MBD5: variants seen among roughly 807,000 people sequenced by gnomAD.
MBD5 encodes the protein methyl-CpG-binding domain protein 5.
MBD5 carries 13 observed loss-of-function variants against 117.3 expected under a neutral mutation model. The observed-to-expected ratio is 0.11, with a 90% CI of 0.07 to 0.18. MBD5 has a LOEUF of 0.18. MBD5 is among the 10% of genes least tolerant of loss of function. The pLI is 1.00. For missense variants in MBD5, 1,879 were observed against 2,093.8 expected (o/e 0.90, Z 2.00); for synonymous variants, 727 against 766.4 (o/e 0.95, Z 0.85).
rs762190865 is a variant in MBD5 at position 148,463,873 on chromosome 2, A to G, written c.351A>G (p.Glu117=). The part of the protein sequence containing the change: ...IAVATLHKSM[E]APHPSLVLTS... ...TGGCCACACTTCATAAAAGCATGGA[A>G]GCCCCACATCCTTCTCTGGTGCTCA... is the stretch of plus-strand genomic sequence containing the variant. The change falls in exon 7 of 14, where the codon GAA becomes GAG. Residue 117 remains glutamate (E), a synonymous_variant. Coordinates refer to ENST00000642680, the MANE Select transcript of MBD5 (RefSeq NM_001378120.1). The G allele has an allele frequency of 1.2e-6, 2 of 1,613,722 alleles. No individual in the cohort carries two copies. Among genetic ancestry groups the G allele is most frequent in the Non-Finnish European group, 8.5e-7 (1 of 1,179,742 alleles).
rs1216163190 is a variant in MBD5 at position 148,470,457 on chromosome 2, A to C, written c.2514A>C (p.Glu838Asp). The change falls in exon 8 of 14, where the codon GAA becomes GAC. Residue 838 changes from glutamate to aspartate, a missense_variant. Around this residue, in one of 4 missense-constraint regions of MBD5, gnomAD observed 1,666 missense variants for 1,792.2 expected, o/e 0.93. Coordinates refer to ENST00000642680, the MANE Select transcript of MBD5 (RefSeq NM_001378120.1). ...IVSSYNQTSSEAGGSGPSSSI... is the reference protein window; with the variant it reads ...IVSSYNQTSSDAGGSGPSSSI... ...GCAGCTATAATCAAACAAGTTCTGA[A>C]GCAGGTATGGTTTTATTAGAAAAAA... 13 of 1,597,638 alleles carry C rather than the reference A, an allele frequency of 8.1e-6. No homozygotes were observed. Among genetic ancestry groups the C allele is most frequent in the Non-Finnish European group, 1.1e-5 (13 of 1,171,862 alleles).
At chr2:148,257,727 A>G (rs565925531) in intron 3 of MBD5, among the ~76,000 whole-genome samples, 2 of 152,328 alleles carry the variant, frequency 1.3e-5, no homozygotes. Flanking sequence ...ATATGGTGGG[A>G]CTATGCATAT....
chr2:148,197,455 T>C (rs1699018050), intron 2 of MBD5, among the ~76,000 whole-genome samples: 1 of 152,194 alleles, frequency 6.6e-6, no homozygotes, highest in Admixed American at 6.5e-5. Flanking sequence ...GTTTGGAAAG[T>C]ACCACATTAA....
chr2:148,152,449 T>C (rs902133675), intron 1 of MBD5, among the ~76,000 whole-genome samples: 1 of 152,114 alleles, frequency 6.6e-6, no homozygotes, highest in African/African-American at 2.4e-5. Context: ...TAGATGTCTA[T>C]TAGGTCCGCT....
chr2:148,315,262 C>T (rs1187775666), intron 3 of MBD5, among the ~76,000 whole-genome samples: 1 of 152,118 alleles, frequency 6.6e-6, no homozygotes, highest in Non-Finnish European at 1.5e-5. Context: ...CTTACGGTCC[C>T]ACATATCCAC....
chr2:148,179,083 G>A (rs536373851), intron 2 of MBD5, among the ~76,000 whole-genome samples: 2 of 152,234 alleles, frequency 1.3e-5, no homozygotes, highest in Admixed American at 6.5e-5. Flanking sequence ...GGCCGGGCGC[G>A]GTGGCTCACG....
intron 4 of MBD5, among the ~76,000 whole-genome samples, chr2:148,450,549 G>A (rs986614574): frequency 3.3e-5 from 5 of 152,162 alleles, no homozygotes; most frequent in Non-Finnish European, 5.9e-5. Context: ...GCTGGACAGC[G>A]AGACTTCTCT....
In MBD5 at chr2:148,489,999, A is replaced by G. The variant is rs1373313056; in HGVS notation, c.4367A>G (p.His1456Arg). ...EEFLDHPGHI[H>R]SSPCHERPNN... ...TTTTTAGATCATCCAGGCCATATCC[A>G]CAGTAGTCCTTGTCATGAAAGGCCC... Residue 1456 changes from histidine to arginine, a missense_variant, in exon 11 of 14, where the codon CAC becomes CGC. Physicochemically the swap from His to Arg is conservative, Grantham distance 29. Around this residue, in one of 4 missense-constraint regions of MBD5, gnomAD observed 1,666 missense variants for 1,792.2 expected, o/e 0.93. Transcript: ENST00000642680. The G allele has an allele frequency of 1.9e-6, 3 of 1,613,958 alleles. No individual in the cohort carries two copies. In the East Asian group the frequency reaches 6.7e-5, roughly 36 times the overall value.
intron 1 of MBD5, among the ~76,000 whole-genome samples, chr2:148,082,199 T>C (rs1305230815): frequency 6.6e-6 from 1 of 152,224 alleles, no homozygotes; most frequent in East Asian, 1.9e-4. Flanking sequence ...AATTTTAGGC[T>C]GAAACTGCTC....
chr2:148,157,500 AG>A (rs950251740), intron 1 of MBD5, among the ~76,000 whole-genome samples: 6 of 152,190 alleles, frequency 3.9e-5, no homozygotes, highest in African/African-American at 1.2e-4. Context: ...GACCTTGAGC[AG>A]TGTCTCTCAT....
At chr2:148,308,491 CTTTTTTTTTT>C (rs60650324) in intron 3 of MBD5, among the ~76,000 whole-genome samples, 6 of 66,804 alleles carry the variant, frequency 9.0e-5, no homozygotes, top group African/African-American at 3.0e-4. Context: ...GGGGTTCTTT[CTTTTTTTTTT>C]TTTTTTTTTT....
intron 1 of MBD5, among the ~76,000 whole-genome samples, chr2:148,050,313 G>T (rs886669890): frequency 2.6e-5 from 4 of 151,968 alleles, no homozygotes; most frequent in Non-Finnish European, 5.9e-5. Flanking sequence ...GTGCTTATTA[G>T]CCATTTGCAT....
chr2:148,251,537 C>T (rs2080655936), intron 3 of MBD5, among the ~76,000 whole-genome samples: 2 of 152,254 alleles, frequency 1.3e-5, no homozygotes, highest in South Asian at 4.1e-4. Flanking sequence ...TAACTTGTAC[C>T]TCATAAGCCA....
In MBD5 at chr2:148,470,038, A is replaced by G; in HGVS notation, c.2095A>G (p.Ser699Gly). The G allele has an allele frequency of 2.5e-6, 4 of 1,613,862 alleles. No individual in the cohort carries two copies. In the East Asian group the frequency reaches 8.9e-5, roughly 36 times the overall value. ...GCAGGGTCAGGGTTCATTTCCCATCAGTTCAATGTCTCAGTTACTACAGTC... is the reference window on the plus strand; with the variant it reads ...GCAGGGTCAGGGTTCATTTCCCATCGGTTCAATGTCTCAGTTACTACAGTC... ...RKQGQGSFPISSMSQLLQSMS... is the reference protein window; with the variant it reads ...RKQGQGSFPIGSMSQLLQSMS... Residue 699 changes from serine (S) to glycine (G), a missense_variant, in exon 8 of 14, where the codon AGT (serine) becomes GGT (glycine). Coordinates refer to ENST00000642680, the MANE Select transcript of MBD5 (RefSeq NM_001378120.1).
intron 1 of MBD5, among the ~76,000 whole-genome samples, chr2:148,049,282 T>A (rs1694627030): frequency 6.6e-6 from 1 of 152,178 alleles, no homozygotes; most frequent in Non-Finnish European, 1.5e-5. Context: ...GCACCATCCA[T>A]TCTTCACTTT....
At chr2:148,422,534 A>G (rs551223410) in intron 4 of MBD5, among the ~76,000 whole-genome samples, 91 of 152,312 alleles carry the variant, frequency 6.0e-4, no homozygotes, top group African/African-American at 2.0e-3. Context: ...TCTCCTCCAA[A>G]GGATCACAAC....
chr2:148,399,091 C>A (rs1307680703), intron 4 of MBD5, among the ~76,000 whole-genome samples: 1 of 152,146 alleles, frequency 6.6e-6, no homozygotes, highest in East Asian at 1.9e-4. Flanking sequence ...TAGAGTGATG[C>A]CTCCAGCTTT....
At chr2:148,311,470 C>A (rs111539748) in intron 3 of MBD5, among the ~76,000 whole-genome samples, 18,180 of 152,144 alleles carry the variant, frequency 0.12, 1,443 homozygotes, top group Non-Finnish European at 0.18. Context: ...AGGATTGCAA[C>A]CCCTGCTTTT....
intron 4 of MBD5, among the ~76,000 whole-genome samples, chr2:148,348,632 A>G (rs181368207): frequency 2.6e-5 from 4 of 152,166 alleles, no homozygotes; most frequent in Admixed American, 2.6e-4. Context: ...CATGACAGTG[A>G]GAAATAATCC....
Sources: gnomAD v4.1 joint callset for allele counts (sites outside exome capture counted in the v4.1 genomes callset) on GRCh38, gnomAD v4.1.1 for gene constraint, gnomAD v4.1.1 regional missense constraint, MANE v1.5 for transcripts, NCBI Gene and HGNC (gene_info 2026-07-23, HGNC 2026-07-21) for gene names.